Variants in RTF1 observed in about 807,000 individuals in gnomAD.
The protein encoded by RTF1 is RTF1 homolog, Paf1/RNA polymerase II complex component.
A neutral mutation model predicts 95.7 loss-of-function variants in RTF1; 10 were observed. That is an observed-to-expected ratio of 0.10 (90% confidence interval 0.06 to 0.18). The LOEUF is 0.18. RTF1 is among the 10% of genes least tolerant of loss of function. The probability of loss-of-function intolerance (pLI) is 1.00; values close to 1 mark genes in which losing one functional copy is unlikely to be tolerated. For missense variants in RTF1, 458 were observed against 875.6 expected (o/e 0.52, Z 6.02); for synonymous variants, 305 against 311.8 (o/e 0.98, Z 0.23).
intron 2 of RTF1, among the ~76,000 whole-genome samples, chr15:41,446,104 C>T (rs557702291): frequency 6.6e-6 from 1 of 152,084 alleles, no homozygotes. Flanking sequence ...CCCTCTCAAA[C>T]ACATCTTTTT....
At chr15:41,462,502 G>A (rs1354600516) in intron 4 of RTF1, among the ~76,000 whole-genome samples, 1 of 152,148 alleles carries the variant, frequency 6.6e-6, no homozygotes, top group African/African-American at 2.4e-5. Context: ...TAAACCTCAA[G>A]AGAGATTATA....
intron 1 of RTF1, among the ~76,000 whole-genome samples, chr15:41,418,002 A>G (rs549208404): frequency 6.6e-6 from 1 of 152,286 alleles, no homozygotes; most frequent in Admixed American, 6.5e-5. Flanking sequence ...GGCGACATGG[A>G]GGGACTGTGC....
chr15:41,426,868 G>A (rs1331002593), intron 1 of RTF1, among the ~76,000 whole-genome samples: 4 of 148,376 alleles, frequency 2.7e-5, no homozygotes, highest in Admixed American at 1.4e-4. Context: ...TTTAGGCAGA[G>A]TCTCACTCTG....
chr15:41,454,400 T>A (rs75058370), intron 3 of RTF1, among the ~76,000 whole-genome samples: 4,330 of 150,084 alleles, frequency 0.029, 91 homozygotes, highest in Middle Eastern at 0.086. Context: ...CATAAAAAAA[T>A]TTTTTTTTTA....
intron 7 of RTF1, 136 bp from the exon 8 acceptor site, chr15:41,471,036 G>A: frequency 1.3e-6 from 1 of 740,836 alleles, no homozygotes; most frequent in Non-Finnish European, 2.2e-6. Context: ...ACAAGTCTTT[G>A]CTGGTGCTTC....
At chr15:41,445,666 A>G (rs1355389690) in intron 2 of RTF1, among the ~76,000 whole-genome samples, 1 of 152,072 alleles carries the variant, frequency 6.6e-6, no homozygotes, top group East Asian at 1.9e-4. Context: ...CTGACATTAA[A>G]TTGCATTTAC....
chr15:41,427,874 C>A (rs1417509788), intron 1 of RTF1, among the ~76,000 whole-genome samples: 3 of 151,960 alleles, frequency 2.0e-5, no homozygotes, highest in African/African-American at 7.3e-5. Flanking sequence ...GCAACCTCCG[C>A]CTCCCGGGTT....
chr15:41,475,689 C>T (rs768473019), intron 10 of RTF1, 23 bp from the exon 11 acceptor site: 8 of 1,599,514 alleles, frequency 5.0e-6, no homozygotes, highest in Non-Finnish European at 6.9e-6. Flanking sequence ...TACTAATAAT[C>T]TCGTATCGTG....
intron 8 of RTF1, among the ~76,000 whole-genome samples, chr15:41,473,326 G>A (rs1018169512): frequency 6.6e-6 from 1 of 151,640 alleles, no homozygotes; most frequent in African/African-American, 2.4e-5. Context: ...TAGAGACGGG[G>A]TTTCACCTTG....
At chr15:41,447,238 G>A (rs2050768367) in intron 2 of RTF1, among the ~76,000 whole-genome samples, 2 of 152,156 alleles carry the variant, frequency 1.3e-5, no homozygotes, top group South Asian at 4.1e-4. Context: ...TTGCTCATTA[G>A]AGATAATTTG....
intron 8 of RTF1, among the ~76,000 whole-genome samples, chr15:41,472,601 C>G (rs1366024724): frequency 6.6e-6 from 1 of 152,162 alleles, no homozygotes; most frequent in East Asian, 1.9e-4. Context: ...TCACTGCAGC[C>G]TCTGCCTCCT....
At chr15:41,471,088 A>C in intron 7 of RTF1, 84 bp from the exon 8 acceptor site, 1 of 1,330,154 alleles carries the variant, frequency 7.5e-7, no homozygotes, top group Non-Finnish European at 1.0e-6. Flanking sequence ...ACTTTGGTTA[A>C]GTTTTGAGGA....
At chr15:41,418,769 A>G (rs1186156656) in intron 1 of RTF1, among the ~76,000 whole-genome samples, 1 of 148,912 alleles carries the variant, frequency 6.7e-6, no homozygotes, top group African/African-American at 2.5e-5. Flanking sequence ...GGGCAACAAG[A>G]GCGAAACTCC....
chr15:41,457,053 T>C (rs1243586289), intron 3 of RTF1, among the ~76,000 whole-genome samples: 2 of 151,728 alleles, frequency 1.3e-5, no homozygotes, highest in Non-Finnish European at 2.9e-5. Flanking sequence ...ACCACTGCAC[T>C]CCAGCCTGGG....
intron 12 of RTF1, 46 bp downstream of exon 12, chr15:41,476,569 G>A (rs375859858): frequency 2.6e-6 from 4 of 1,542,210 alleles, no homozygotes; most frequent in African/African-American, 1.4e-5. Context: ...GTAAGGAGAT[G>A]TGGAAATCAA....
At chr15:41,459,824 G>GA (rs1427389475) in intron 4 of RTF1, among the ~76,000 whole-genome samples, 1 of 152,122 alleles carries the variant, frequency 6.6e-6, no homozygotes, top group African/African-American at 2.4e-5. Flanking sequence ...ATTTTAAATG[G>GA]AAAAGTTTTA....
intron 7 of RTF1, among the ~76,000 whole-genome samples, chr15:41,470,695 G>A (rs573942124): frequency 8.8e-6 from 1 of 113,424 alleles, no homozygotes; most frequent in East Asian, 2.7e-4. Flanking sequence ...GTCTCGCTCT[G>A]TCGCCCAGGC....
intron 1 of RTF1, among the ~76,000 whole-genome samples, chr15:41,418,738 G>T (rs2050584475): frequency 6.6e-6 from 1 of 150,636 alleles, no homozygotes; most frequent in African/African-American, 2.4e-5. Flanking sequence ...GAACCCGGGA[G>T]GCGGAGGTTG....
intron 1 of RTF1, among the ~76,000 whole-genome samples, chr15:41,421,709 C>CTTT (rs752702270): frequency 7.8e-6 from 1 of 127,484 alleles, no homozygotes; most frequent in Non-Finnish European, 1.7e-5. Context: ...ACTACTGGTT[C>CTTT]TTTTTTTTTT....
Sources: gnomAD v4.1 joint callset for allele counts (sites outside exome capture counted in the v4.1 genomes callset) on GRCh38, gnomAD v4.1.1 for gene constraint, MANE v1.5 for transcripts, NCBI Gene and HGNC (gene_info 2026-07-23, HGNC 2026-07-21) for gene names.